The following PRKN variants were observed in gnomAD, a reference collection of about 807,000 sequenced individuals.
PRKN encodes parkin RBR E3 ubiquitin protein ligase.
In PRKN, 56 loss-of-function variants were observed where a neutral mutation model predicts 59.5. The ratio of observed to expected loss-of-function variants is 0.94; its 90% CI spans 0.76 to 1.18. PRKN has a LOEUF of 1.18. Ranked by LOEUF, PRKN falls within the 50% of genes most tolerant of loss-of-function variation. The pLI, the probability that PRKN is intolerant of heterozygous loss-of-function variation, is 0.00. For synonymous variants in PRKN, 250 were observed against 222.1 expected, an observed-to-expected ratio of 1.13 and a Z score of -1.12; for missense variants, 657 against 596.4, an observed-to-expected ratio of 1.10 and a Z score of -1.06.
chr6:162,529,974 T>C (rs1419886099), intron 1 of PRKN, among the ~76,000 whole-genome samples: 3 of 151,840 alleles, frequency 2.0e-5, no homozygotes, highest in Admixed American at 6.6e-5. Flanking sequence ...CTACTACAAA[T>C]ACAAAATTAG....
At chr6:162,189,346 T>G (rs1437957525) in intron 4 of PRKN, among the ~76,000 whole-genome samples, 2 of 151,494 alleles carry the variant, frequency 1.3e-5, no homozygotes, top group Admixed American at 6.6e-5. Flanking sequence ...AACTGCAAAG[T>G]TGATTCCTAT....
At position 162,540,572 on chromosome 6, in the gene PRKN, C is replaced by CTGAGGCAGGTG. The variant is rs1390130816; in HGVS notation, c.8-97110_8-97100dup. 2.0e-5 allele frequency among the ~76,000 whole-genome samples: 3 copies of CTGAGGCAGGTG among 152,034 alleles called. No homozygotes were observed. The East Asian group carries it at 5.8e-4, about 29-fold the overall frequency. Reference sequence around the variant, plus strand: ...TCCGTAAGCCCAGCACTCAGGGAGGCTGAGGCAGGTGATCACCTGAGGTCA... The same window carrying CTGAGGCAGGTG: ...TCCGTAAGCCCAGCACTCAGGGAGGCTGAGGCAGGTGTGAGGCAGGTGATCACCTGAGGTCA... On this transcript the variant is annotated intron_variant, in intron 1 of 11. Transcript: ENST00000366898.
intron 2 of PRKN, among the ~76,000 whole-genome samples, chr6:162,290,242 C>T (rs993046830): frequency 1.3e-5 from 2 of 152,124 alleles, no homozygotes; most frequent in Non-Finnish European, 2.9e-5. Context: ...TGTCTAACCT[C>T]CCCTGCAGCA....
intron 9 of PRKN, among the ~76,000 whole-genome samples, chr6:161,427,333 T>G (rs1788417303): frequency 6.6e-6 from 1 of 152,196 alleles, no homozygotes. Context: ...AATCATCTTT[T>G]TTAATTCTCA....
rs539959960 is a variant in PRKN at position 161,955,535 on chromosome 6, G to A, written c.734+17767C>T. On this transcript the variant is annotated intron_variant, in intron 6 of 11. Transcript: ENST00000366898. ...AGGAAAAAAAATTTCAATTCAACTC[G>A]CCAAAGAAGGGTTTGTATTAAAATT... Among the ~76,000 whole-genome samples, 43 of 152,136 alleles carry A rather than the reference G, an allele frequency of 2.8e-4. 1 individual carries two copies. In the South Asian group the frequency reaches 7.7e-3, roughly 27 times the overall value.
intron 3 of PRKN, among the ~76,000 whole-genome samples, chr6:162,241,446 A>G (rs930021591): frequency 6.6e-6 from 1 of 152,096 alleles, no homozygotes; most frequent in African/African-American, 2.4e-5. Context: ...TCAAGTAGAG[A>G]TAAGATCATT....
intron 7 of PRKN, among the ~76,000 whole-genome samples, chr6:161,740,429 G>A (rs1459840363): frequency 6.6e-6 from 1 of 152,130 alleles, no homozygotes; most frequent in Non-Finnish European, 1.5e-5. Context: ...TGGGACTGCA[G>A]GGCTCTTTTA....
At chr6:161,537,672 C>T (rs12524277) in intron 9 of PRKN, among the ~76,000 whole-genome samples, 73,632 of 151,932 alleles carry the variant, frequency 0.48, 18,141 homozygotes, top group Middle Eastern at 0.61. Flanking sequence ...TGGATGGTCT[C>T]GATCTCCTGA....
intron 6 of PRKN, among the ~76,000 whole-genome samples, chr6:161,875,150 A>T (rs565123847): frequency 3.0e-5 from 4 of 134,840 alleles, no homozygotes; most frequent in African/African-American, 1.2e-4. Flanking sequence ...ATATATAAAA[A>T]TATACAATAC....
At position 161,497,573 on chromosome 6, in the gene PRKN, T is replaced by TCA. The variant is rs71004048; in HGVS notation, c.1083+51280_1083+51281insTG. ...TTACATGTCTCTCTCTCTCTCTCTC[T>TCA]CTCTCACACACACACACACACACAC... On this transcript the variant is annotated intron_variant, in intron 9 of 11. Transcript: ENST00000366898. The surrounding 1 kb of genome is among the most constrained non-coding windows in gnomAD (Gnocchi z 4.6). 7.3e-5 allele frequency among the ~76,000 whole-genome samples: 9 copies of TCA among 124,068 alleles called. No individual in the cohort carries two copies. Among genetic ancestry groups the TCA allele is most frequent in the Non-Finnish European group, 1.3e-4 (7 of 54,660 alleles). The allele number at this position is 124,068 out of a possible 152,430, so 81.4% of individuals were successfully genotyped here.
At chr6:161,720,551 C>T (rs975145640) in intron 7 of PRKN, among the ~76,000 whole-genome samples, 1 of 152,126 alleles carries the variant, frequency 6.6e-6, no homozygotes, top group African/African-American at 2.4e-5. Context: ...AAGTCACCCC[C>T]TGCAGAGAGG....
intron 6 of PRKN, among the ~76,000 whole-genome samples, chr6:161,966,776 A>G (rs1350183233): frequency 2.0e-5 from 3 of 152,252 alleles, no homozygotes; most frequent in African/African-American, 4.8e-5. Context: ...ACCTCAGGAC[A>G]TTCTGGTTCC....
At chr6:161,970,447 GCA>G (rs374256385) in intron 6 of PRKN, among the ~76,000 whole-genome samples, 2 of 149,520 alleles carry the variant, frequency 1.3e-5, no homozygotes, top group African/African-American at 4.9e-5. Context: ...TAATTATACA[GCA>G]CACACACACT....
At chr6:162,636,483 GA>G (rs1301740229) in intron 1 of PRKN, among the ~76,000 whole-genome samples, 1 of 152,184 alleles carries the variant, frequency 6.6e-6, no homozygotes. Context: ...AGAGATGACT[GA>G]AGGTAACATG....
chr6:162,697,336 A>AT (rs572709661), intron 1 of PRKN, among the ~76,000 whole-genome samples: 30 of 152,268 alleles, frequency 2.0e-4, no homozygotes, highest in Non-Finnish European at 4.0e-4. Context: ...CAGGTTTGAG[A>AT]TTTTTTTAAA....
chr6:161,590,874 T>A (rs900837656), intron 7 of PRKN, among the ~76,000 whole-genome samples: 2 of 152,076 alleles, frequency 1.3e-5, no homozygotes, highest in African/African-American at 4.8e-5. Flanking sequence ...GACATAATAG[T>A]CTAGATAAGA....
rs1307343903 is a variant in PRKN at position 161,419,641 on chromosome 6, GCCT to G, written c.1084-32767_1084-32765del. Among the ~76,000 whole-genome samples the G allele has an allele frequency of 1.3e-5, 2 of 151,810 alleles. No individual in the cohort carries two copies. The highest frequency in any genetic ancestry group is 4.8e-5 in the African/African-American group (2 of 41,316). The stretch of plus-strand genomic sequence containing the variant: ...GACCTCAAGTGATCTGCCCACCTCT[GCCT>G]CCCAAAGTGCTGGGATTACAGGCAT... On this transcript the variant is annotated intron_variant, in intron 9 of 11. Coordinates refer to ENST00000366898, the MANE Select transcript of PRKN (RefSeq NM_004562.3). This position sits in a 1 kb window ranked among gnomAD's most constrained non-coding sequence, Gnocchi z 4.1.
At chr6:161,833,437 A>G (rs1359398192) in intron 6 of PRKN, among the ~76,000 whole-genome samples, 1 of 152,240 alleles carries the variant, frequency 6.6e-6, no homozygotes, top group African/African-American at 2.4e-5. Context: ...AGCCTAGAAA[A>G]ACGCAAAAGA....
At chr6:162,321,262 G>A (rs891862563) in intron 2 of PRKN, among the ~76,000 whole-genome samples, 1 of 151,834 alleles carries the variant, frequency 6.6e-6, no homozygotes, top group Non-Finnish European at 1.5e-5. Flanking sequence ...TATAAATTTG[G>A]CAACTTAGAT....
Sources: gnomAD v4.1 joint callset for allele counts (sites outside exome capture counted in the v4.1 genomes callset) on GRCh38, gnomAD v4.1.1 for gene constraint, Gnocchi (gnomAD v3.1) non-coding constraint, MANE v1.5 for transcripts, NCBI Gene and HGNC (gene_info 2026-07-23, HGNC 2026-07-21) for gene names.